The following CD8B2 variants were observed in gnomAD, a reference collection of about 807,000 sequenced individuals.
The protein encoded by CD8B2 is T-cell surface glycoprotein CD8 beta-2 chain.
In CD8B2, 11 loss-of-function variants were observed where a neutral mutation model predicts 23.7. The ratio of observed to expected loss-of-function variants is 0.46; its 90% confidence interval spans 0.29 to 0.77. The LOEUF is 0.77. Ranked by LOEUF, CD8B2 falls within the 30% of genes least tolerant of loss-of-function variation. The pLI is 0.09. For synonymous variants in CD8B2, 90 were observed against 109.3 expected (o/e 0.82, Z 1.10); for missense variants, 197 against 270.5 (o/e 0.73, Z 1.91).
intron 5 of CD8B2, among the ~76,000 whole-genome samples, chr2:106,537,807 G>A (rs1680111978): frequency 6.6e-6 from 1 of 152,206 alleles, no homozygotes; most frequent in Non-Finnish European, 1.5e-5. Context: ...TGAAGATAAA[G>A]TTAGCACGAA....
chr2:106,508,835 G>A lies in CD8B2; in HGVS notation c.*1895G>A, dbSNP rs1228338715. 1.3e-5 allele frequency: 2 copies of A among 152,310 alleles called. No individual in the cohort carries two copies. The highest frequency in any genetic ancestry group is 2.9e-5 in the Non-Finnish European group (2 of 68,124). The allele number at this position is 152,310 out of a possible 1,614,324, so 9.4% of individuals were successfully genotyped here. A position where few individuals can be genotyped will look rare whatever the true frequency, so the allele number is the denominator to read the frequency against. ...CCTTTCCATCTGAGATGCAGTGGAA[G>A]GGGGAGGGTTGTAGGGAGAGTAGCC... is the stretch of plus-strand genomic sequence containing the variant. On this transcript the variant is annotated 3_prime_UTR_variant, in exon 6 of 6. Coordinates refer to ENST00000643224, the MANE Select transcript of CD8B2 (RefSeq NM_001349727.2).
At position 106,492,464 on chromosome 2, in the gene CD8B2, C is replaced by T. The variant is rs528152248; in HGVS notation, c.403+1231C>T. On this transcript the variant is annotated intron_variant, in intron 2 of 5. Coordinates refer to ENST00000643224, the MANE Select transcript of CD8B2 (RefSeq NM_001349727.2). ...ACATTCATTTTTCATACTAAGTGTT[C>T]GATGAGCATTTTACATAAAACATAT... Among the ~76,000 whole-genome samples the T allele has an allele frequency of 1.8e-3, 268 of 152,236 alleles. 2 individuals are homozygous for T. The highest frequency in any genetic ancestry group is 6.0e-3 in the African/African-American group (250 of 41,540).
At chr2:106,488,247 T>C (rs1487917513) in intron 1 of CD8B2, among the ~76,000 whole-genome samples, 4 of 150,850 alleles carry the variant, frequency 2.7e-5, no homozygotes, top group African/African-American at 7.3e-5. Flanking sequence ...ACATCATAAA[T>C]AGAAAGAGCC....
chr2:106,525,560 A>G (rs1679894588), intron 5 of CD8B2, among the ~76,000 whole-genome samples: 1 of 152,218 alleles, frequency 6.6e-6, no homozygotes, highest in African/African-American at 2.4e-5. Context: ...TTGCCATTAT[A>G]GATAGTGTTC....
At chr2:106,502,294 CAAAAAAAAAAAAA>C (rs547491786) in intron 3 of CD8B2, among the ~76,000 whole-genome samples, 167 bp from the exon 4 acceptor site, 1 of 69,486 alleles carries the variant, frequency 1.4e-5, no homozygotes, top group African/African-American at 6.3e-5. Context: ...GACTCTGTCT[CAAAAAAAAAAAAA>C]AAAAAAAAAA....
chr2:106,539,441 C>T (rs935184148), intron 5 of CD8B2, among the ~76,000 whole-genome samples: 5 of 152,152 alleles, frequency 3.3e-5, no homozygotes, highest in Non-Finnish European at 7.3e-5. Flanking sequence ...CTTGTTTCCA[C>T]GCCAAAACAT....
chr2:106,511,798 G>A (rs935110397), downstream of CD8B2, among the ~76,000 whole-genome samples: 3 of 152,130 alleles, frequency 2.0e-5, no homozygotes, highest in Admixed American at 1.3e-4. Context: ...TGAGTCACTG[G>A]TTCCTGGAGT....
chr2:106,505,635 T>G (rs900413798), intron 5 of CD8B2, among the ~76,000 whole-genome samples: 3 of 152,224 alleles, frequency 2.0e-5, no homozygotes, highest in Non-Finnish European at 4.4e-5. Flanking sequence ...CCATATAAAT[T>G]CATATTACTA....
chr2:106,511,639 G>A (rs1679633396), downstream of CD8B2, among the ~76,000 whole-genome samples: 1 of 151,956 alleles, frequency 6.6e-6, no homozygotes, highest in African/African-American at 2.4e-5. Flanking sequence ...CCCCGACCCC[G>A]CGTGGGCTGC....
At chr2:106,526,322 A>G (rs1679906361) in intron 5 of CD8B2, among the ~76,000 whole-genome samples, 1 of 152,184 alleles carries the variant, frequency 6.6e-6, no homozygotes, top group Admixed American at 6.5e-5. Flanking sequence ...AAGTATATTC[A>G]CAGAGTGGTG....
chr2:106,525,939 C>CT (rs1408278301), intron 5 of CD8B2, among the ~76,000 whole-genome samples: 1 of 152,124 alleles, frequency 6.6e-6, no homozygotes, highest in Non-Finnish European at 1.5e-5. Context: ...ATAAAATACA[C>CT]TTTTTTTAAA....
chr2:106,518,115 A>G (rs1415544214), intron 5 of CD8B2, among the ~76,000 whole-genome samples: 2 of 152,270 alleles, frequency 1.3e-5, no homozygotes, highest in East Asian at 3.9e-4. Flanking sequence ...GCTATTTCAT[A>G]CCCAGCCTAG....
chr2:106,510,352 T>C lies in CD8B2; in HGVS notation c.*3412T>C, dbSNP rs1679601387. The C allele has an allele frequency of 6.6e-6, 1 of 152,306 alleles. No homozygotes were observed. The highest frequency in any genetic ancestry group is 2.1e-4 in the South Asian group (1 of 4,826). 9.4% of individuals were successfully genotyped at this position (152,306 alleles called of 1,614,324 possible). ...TTGACTTTAGAGCTATGGATATAGATGTAAATTATACTTCAAGAAAGAGAC... is the reference window on the plus strand; with the variant it reads ...TTGACTTTAGAGCTATGGATATAGACGTAAATTATACTTCAAGAAAGAGAC... On this transcript the variant is annotated 3_prime_UTR_variant, in exon 6 of 6. Coordinates refer to ENST00000643224, the MANE Select transcript of CD8B2 (RefSeq NM_001349727.2).
chr2:106,521,335 T>C (rs1239690216), intron 5 of CD8B2, among the ~76,000 whole-genome samples: 1 of 152,198 alleles, frequency 6.6e-6, no homozygotes, highest in Admixed American at 6.5e-5. Flanking sequence ...ATTTTGATCA[T>C]GCCTAGTCTC....
intron 5 of CD8B2, among the ~76,000 whole-genome samples, chr2:106,525,891 G>T (rs528216777): frequency 4.4e-4 from 67 of 152,306 alleles, no homozygotes; most frequent in Non-Finnish European, 7.1e-4. Context: ...GAAGGACAGA[G>T]AATTTGTCAA....
At chr2:106,511,402 T>A (rs532047070), downstream of CD8B2, among the ~76,000 whole-genome samples, 4 of 152,314 alleles carry the variant, frequency 2.6e-5, no homozygotes, top group Non-Finnish European at 4.4e-5. Flanking sequence ...TGTGTTTTTC[T>A]GTGGACCTTA....
chr2:106,503,566 G>A (rs887415494), intron 4 of CD8B2, among the ~76,000 whole-genome samples: 1 of 152,104 alleles, frequency 6.6e-6, no homozygotes, highest in Non-Finnish European at 1.5e-5. Context: ...AGCGAATACA[G>A]CTAATTGAAT....
At chr2:106,521,848 T>G (rs2104568889) in intron 5 of CD8B2, 1 of 152,354 alleles carries the variant, frequency 6.6e-6, no homozygotes, top group South Asian at 2.1e-4. Flanking sequence ...GTTCTCAAAC[T>G]TCAGCTGCAT....
At chr2:106,496,029 G>A (rs1679292996) in intron 2 of CD8B2, 144 bp from the exon 3 acceptor site, 1 of 1,375,800 alleles carries the variant, frequency 7.3e-7, no homozygotes, top group Non-Finnish European at 9.9e-7. Flanking sequence ...AACCTCCCGA[G>A]CTCAAATGAT....
Sources: gnomAD v4.1 joint callset for allele counts (sites outside exome capture counted in the v4.1 genomes callset) on GRCh38, gnomAD v4.1.1 for gene constraint, MANE v1.5 for transcripts, NCBI Gene and HGNC (gene_info 2026-07-23, HGNC 2026-07-21) for gene names.